The following AGPS variants were observed in gnomAD, a reference collection of about 807,000 sequenced individuals.
The protein encoded by AGPS is alkylglycerone phosphate synthase.
AGPS carries 26 observed loss-of-function variants against 90.7 expected under a neutral mutation model. The observed-to-expected ratio is 0.29, with a 90% confidence interval of 0.21 to 0.40. The LOEUF (loss-of-function observed/expected upper bound fraction) is 0.40. Among genes scored for constraint, AGPS ranks in the 10% least tolerant of loss-of-function variants. The pLI, the probability that AGPS is intolerant of heterozygous loss-of-function variation, is 1.00. For synonymous variants in AGPS, 294 were observed against 285.3 expected, an observed-to-expected ratio of 1.03 and a Z score of -0.31; for missense variants, 540 against 816.1, an observed-to-expected ratio of 0.66 and a Z score of 4.12.
chr2:177,518,591 A>G lies in AGPS; in HGVS notation c.1698-2678A>G, dbSNP rs561215966. Among the ~76,000 whole-genome samples the G allele has an allele frequency of 6.0e-4, 91 of 152,104 alleles. No individual in the cohort carries two copies. In the Middle Eastern group the frequency reaches 0.01, roughly 17 times the overall value. On this transcript the variant is annotated intron_variant, in intron 17 of 19. Transcript: ENST00000264167. ...TGATACTTGTAAATGGTGATTTTCT[A>G]TTTTAATCATTCATTTTACATTTAT...
chr2:177,534,874 C>T (rs1168625979), intron 19 of AGPS, among the ~76,000 whole-genome samples: 1 of 151,910 alleles, frequency 6.6e-6, no homozygotes, highest in African/African-American at 2.4e-5. Context: ...GTTGGGATTA[C>T]AAGCATGAGT....
chr2:177,500,077 T>G (rs13420517), intron 14 of AGPS, among the ~76,000 whole-genome samples: 4,458 of 152,072 alleles, frequency 0.029, 232 homozygotes, highest in African/African-American at 0.1. Flanking sequence ...CATTGTCCTC[T>G]TACTCTGTGG....
At chr2:177,481,527 G>T (rs1687943972) in intron 10 of AGPS, among the ~76,000 whole-genome samples, 1 of 150,748 alleles carries the variant, frequency 6.6e-6, no homozygotes, top group Non-Finnish European at 1.5e-5. Context: ...TTCTTAAAAG[G>T]GCATCTCAGT....
chr2:177,495,429 A>G (rs1436110092), intron 12 of AGPS, among the ~76,000 whole-genome samples: 1 of 152,194 alleles, frequency 6.6e-6, no homozygotes, highest in African/African-American at 2.4e-5. Context: ...TGGTAGAGCT[A>G]GGGATGAACC....
chr2:177,486,016 G>C (rs1011951763), intron 11 of AGPS, among the ~76,000 whole-genome samples: 1 of 152,200 alleles, frequency 6.6e-6, no homozygotes, highest in African/African-American at 2.4e-5. Flanking sequence ...AAAGCAGGTC[G>C]TAAAGAAAGG....
At chr2:177,529,718 A>G (rs138165081) in intron 19 of AGPS, among the ~76,000 whole-genome samples, 1 of 152,218 alleles carries the variant, frequency 6.6e-6, no homozygotes, top group Non-Finnish European at 1.5e-5. Flanking sequence ...CCATAAATGC[A>G]TTAAGTATGT....
chr2:177,407,792 CT>C (rs66559811), intron 1 of AGPS, among the ~76,000 whole-genome samples: 95,335 of 139,344 alleles, frequency 0.68, 32,599 homozygotes, highest in Admixed American at 0.75. Context: ...AACAAATTTC[CT>C]TTTTTTTTTT....
At position 177,502,250 on chromosome 2, in the gene AGPS, A is replaced by AT. The variant is rs11300745; in HGVS notation, c.1475+2532dup. ...AAAGATTGGCTCCGTTTGAGGTCTCATTTTTTTTTTTTGCTGTTATTTGTT... is the reference window on the plus strand; with the variant it reads ...AAAGATTGGCTCCGTTTGAGGTCTCATTTTTTTTTTTTTGCTGTTATTTGTT... On this transcript the variant is annotated intron_variant, in intron 14 of 19. Coordinates refer to ENST00000264167, the MANE Select transcript of AGPS (RefSeq NM_003659.4). Among the ~76,000 whole-genome samples the AT allele has an allele frequency of 1.5e-3, 221 of 149,274 alleles. No individual in the cohort carries two copies. The Middle Eastern group carries it at 0.021, about 14-fold the overall frequency.
intron 1 of AGPS, among the ~76,000 whole-genome samples, chr2:177,405,067 A>G (rs1685429229): frequency 6.6e-6 from 1 of 152,248 alleles, no homozygotes. Flanking sequence ...AATTAGAGCC[A>G]AGAACCAGAA....
At chr2:177,489,467 C>G (rs1012160586) in intron 11 of AGPS, among the ~76,000 whole-genome samples, 2 of 152,196 alleles carry the variant, frequency 1.3e-5, no homozygotes, top group Middle Eastern at 3.4e-3. Context: ...GTAAATAAGA[C>G]TAATCAGAAT....
intron 8 of AGPS, among the ~76,000 whole-genome samples, chr2:177,451,642 A>C (rs561917398): frequency 6.6e-6 from 1 of 152,208 alleles, no homozygotes; most frequent in Non-Finnish European, 1.5e-5. Flanking sequence ...TTTGTTAACT[A>C]TAGGTGTTTT....
At chr2:177,453,112 G>C (rs934609329) in intron 8 of AGPS, among the ~76,000 whole-genome samples, 2 of 151,824 alleles carry the variant, frequency 1.3e-5, no homozygotes, top group Non-Finnish European at 2.9e-5. Flanking sequence ...TTTTAAAAAA[G>C]ATATTTGAAG....
chr2:177,537,444 GA>G (rs529841055), intron 19 of AGPS, among the ~76,000 whole-genome samples: 7 of 152,048 alleles, frequency 4.6e-5, no homozygotes, highest in South Asian at 2.1e-4. Context: ...AATGCCTTAG[GA>G]AAAAAATTCT....
chr2:177,522,872 G>C (rs529633798), intron 18 of AGPS, among the ~76,000 whole-genome samples: 1 of 152,230 alleles, frequency 6.6e-6, no homozygotes, highest in South Asian at 2.1e-4. Context: ...ATTTTGAGAG[G>C]CCCAAGGTAC....
intron 11 of AGPS, among the ~76,000 whole-genome samples, chr2:177,488,509 A>G (rs990509441): frequency 4.6e-5 from 7 of 152,042 alleles, no homozygotes; most frequent in South Asian, 2.1e-4. Flanking sequence ...AAATTAATCA[A>G]TTTTGTTGTG....
intron 13 of AGPS, among the ~76,000 whole-genome samples, chr2:177,498,340 T>TG (rs202129184): frequency 2.6e-5 from 4 of 151,620 alleles, no homozygotes; most frequent in Admixed American, 2.6e-4. Flanking sequence ...CAGGTGGTGG[T>TG]GGGGGGTGTG....
rs77810072 is a variant in AGPS at position 177,392,946 on chromosome 2, C to T, written c.157C>T (p.Leu53=). The change falls in exon 1 of 20, where the codon CTG becomes TTG. Residue 53 remains leucine (L), a synonymous_variant. Coordinates refer to ENST00000264167, the MANE Select transcript of AGPS (RefSeq NM_003659.4). ...GHLLGRPREA[L]STNECKARRA... ...TCTGCTGGGCCGGCCCCGGGAGGCTCTGAGTACCAATGAGTGCAAAGCGCG... is the reference window on the plus strand; with the variant it reads ...TCTGCTGGGCCGGCCCCGGGAGGCTTTGAGTACCAATGAGTGCAAAGCGCG... The T allele has an allele frequency of 8.8e-5, 136 of 1,550,112 alleles. 1 individual carries two copies. In the East Asian group the frequency reaches 2.9e-3, roughly 33 times the overall value.
chr2:177,519,370 A>G (rs1312757860), intron 17 of AGPS, among the ~76,000 whole-genome samples: 1 of 151,718 alleles, frequency 6.6e-6, no homozygotes, highest in Non-Finnish European at 1.5e-5. Context: ...ACCTATCCCA[A>G]TTTTCTTATT....
chr2:177,487,516 A>T (rs1418265711), intron 11 of AGPS, among the ~76,000 whole-genome samples: 1 of 152,090 alleles, frequency 6.6e-6, no homozygotes, highest in African/African-American at 2.4e-5. Context: ...TTGGGAAGAC[A>T]TAAATTTTAT....
Sources: allele counts gnomAD v4.1 joint callset (sites outside exome capture counted in the v4.1 genomes callset), GRCh38; gene constraint gnomAD v4.1.1; transcripts MANE v1.5; gene names NCBI Gene and HGNC (gene_info 2026-07-23, HGNC 2026-07-21).